Variants in ZFHX3 observed in about 807,000 individuals in gnomAD.
ZFHX3 encodes the protein zinc finger homeobox 3, also known as zinc finger homeobox protein 3.
A neutral mutation model predicts 279.1 loss-of-function variants in ZFHX3; 42 were observed. That is an observed-to-expected ratio of 0.15 (90% confidence interval 0.12 to 0.19). The LOEUF (loss-of-function observed/expected upper bound fraction) is 0.19. Ranked by LOEUF, ZFHX3 falls within the 10% of genes least tolerant of loss-of-function variation. The pLI, the probability that ZFHX3 is intolerant of heterozygous loss-of-function variation, is 1.00. For missense variants in ZFHX3, 4,981 were observed against 4,754.0 expected (o/e 1.05, Z -1.40); for synonymous variants, 2,293 against 1,957.8 (o/e 1.17, Z -4.52).
At chr16:73,426,117 C>A (rs773435849) in intron 3 of ZFHX3, among the ~76,000 whole-genome samples, 2 of 152,180 alleles carry the variant, frequency 1.3e-5, no homozygotes, top group Non-Finnish European at 2.9e-5. Flanking sequence ...GTGCACTGGG[C>A]CGCCCATGAG....
chr16:72,903,658 G>C (rs1056848355), intron 3 of ZFHX3, among the ~76,000 whole-genome samples: 1 of 151,992 alleles, frequency 6.6e-6, no homozygotes. Context: ...AGAACACAGA[G>C]GCCCTTGTGA....
At chr16:73,263,419 C>A (rs535616248) in intron 4 of ZFHX3, among the ~76,000 whole-genome samples, 7 of 152,186 alleles carry the variant, frequency 4.6e-5, no homozygotes, top group Non-Finnish European at 1.0e-4. Flanking sequence ...GAACTCCTAG[C>A]CTCAAGTGAT....
chr16:73,617,924 G>A (rs917359287), intron 2 of ZFHX3, among the ~76,000 whole-genome samples: 3 of 152,054 alleles, frequency 2.0e-5, no homozygotes, highest in African/African-American at 4.8e-5. Flanking sequence ...GTCATCTCAC[G>A]TTGACTCCCA....
chr16:73,788,842 C>G (rs1028238069), intron 1 of ZFHX3, among the ~76,000 whole-genome samples: 1 of 151,556 alleles, frequency 6.6e-6, no homozygotes, highest in African/African-American at 2.4e-5. Context: ...GGTGTGCCGG[C>G]ACGTGCCTGT....
intron 1 of ZFHX3, among the ~76,000 whole-genome samples, chr16:72,970,736 A>G (rs557766423): frequency 2.0e-5 from 3 of 152,120 alleles, no homozygotes; most frequent in South Asian, 2.1e-4. Context: ...AGGCTTTTTC[A>G]TCTCCTCCCA....
intron 7 of ZFHX3, chr16:73,123,484 T>A (rs1323205697): frequency 6.7e-6 from 1 of 149,476 alleles, no homozygotes. Flanking sequence ...GGCACATAAG[T>A]GATACCATCT....
intron 8 of ZFHX3, among the ~76,000 whole-genome samples, chr16:73,082,026 G>A (rs528969730): frequency 3.3e-5 from 5 of 151,810 alleles, no homozygotes; most frequent in African/African-American, 7.2e-5. Flanking sequence ...TACTAGAGAC[G>A]GGGTTTCACC....
chr16:73,782,621 G>A (rs1220142054), intron 1 of ZFHX3, among the ~76,000 whole-genome samples: 2 of 152,154 alleles, frequency 1.3e-5, no homozygotes, highest in Non-Finnish European at 2.9e-5. Context: ...GTGGTTAGAC[G>A]AGGCCAAACG....
At chr16:73,726,723 T>C (rs911671680) in intron 1 of ZFHX3, among the ~76,000 whole-genome samples, 2 of 152,126 alleles carry the variant, frequency 1.3e-5, no homozygotes, top group African/African-American at 4.8e-5. Context: ...GGAGGCGCCA[T>C]ACTTTCAAAC....
chr16:72,954,181 C>G (rs528941404), intron 2 of ZFHX3, among the ~76,000 whole-genome samples: 32 of 152,242 alleles, frequency 2.1e-4, no homozygotes, highest in African/African-American at 7.7e-4. Flanking sequence ...ACCAGCCTGG[C>G]CAATGTGGTG....
At chr16:73,788,972 G>T (rs774965991) in intron 1 of ZFHX3, among the ~76,000 whole-genome samples, 1 of 150,834 alleles carries the variant, frequency 6.6e-6, no homozygotes, top group African/African-American at 2.4e-5. Context: ...TAATAGTAGC[G>T]GTAAAAATAA....
intron 3 of ZFHX3, among the ~76,000 whole-genome samples, chr16:73,430,850 A>C (rs977811792): frequency 5.9e-5 from 9 of 152,208 alleles, no homozygotes; most frequent in Admixed American, 2.0e-4. Context: ...TAGCCCAAAA[A>C]GTCCCTCAAA....
chr16:73,031,658 G>A (rs1033149603), intron 1 of ZFHX3, among the ~76,000 whole-genome samples: 1 of 152,198 alleles, frequency 6.6e-6, no homozygotes, highest in Non-Finnish European at 1.5e-5. Context: ...CCATGATGGC[G>A]TGACTGGACT....
chr16:73,555,316 G>A (rs566642600), intron 2 of ZFHX3, among the ~76,000 whole-genome samples: 151 of 151,814 alleles, frequency 9.9e-4, no homozygotes, highest in African/African-American at 3.1e-3. Flanking sequence ...CACCACACCC[G>A]GCTAATTTTT....
At chr16:73,532,021 G>A (rs1317365703) in intron 2 of ZFHX3, among the ~76,000 whole-genome samples, 1 of 151,916 alleles carries the variant, frequency 6.6e-6, no homozygotes, top group East Asian at 1.9e-4. Context: ...CCATGAGTTG[G>A]AGGTTACAGT....
chr16:73,317,966 T>A (rs531665660), intron 4 of ZFHX3, among the ~76,000 whole-genome samples: 25 of 152,270 alleles, frequency 1.6e-4, no homozygotes, highest in African/African-American at 5.8e-4. Context: ...GGTGACAACC[T>A]TTACAATGAA....
At chr16:73,132,003 G>A (rs1206967582) in intron 6 of ZFHX3, among the ~76,000 whole-genome samples, 1 of 152,076 alleles carries the variant, frequency 6.6e-6, no homozygotes, top group Non-Finnish European at 1.5e-5. Flanking sequence ...AGAGGGATGA[G>A]GGTCCGGTGC....
chr16:73,397,665 A>G (rs905593199), intron 3 of ZFHX3, among the ~76,000 whole-genome samples: 1 of 152,122 alleles, frequency 6.6e-6, no homozygotes, highest in Non-Finnish European at 1.5e-5. Context: ...GATGTGGGAA[A>G]GGGCTGGATT....
At chr16:73,586,408 A>G (rs2051926597) in intron 2 of ZFHX3, among the ~76,000 whole-genome samples, 1 of 151,260 alleles carries the variant, frequency 6.6e-6, no homozygotes, top group African/African-American at 2.4e-5. Flanking sequence ...AAACAAACAA[A>G]CAAACAAACA....
Sources: allele counts gnomAD v4.1 joint callset (sites outside exome capture counted in the v4.1 genomes callset), GRCh38; gene constraint gnomAD v4.1.1; transcripts MANE v1.5; gene names NCBI Gene and HGNC (gene_info 2026-07-23, HGNC 2026-07-21).